The following UNC13C variants were observed in gnomAD, a reference collection of about 807,000 sequenced individuals.
The protein encoded by UNC13C is unc-13 homolog C, also known as protein unc-13 homolog C.
UNC13C carries 174 observed loss-of-function variants against 245.4 expected under a neutral mutation model. The observed-to-expected ratio is 0.71, with a 90% CI of 0.63 to 0.80. UNC13C has a LOEUF of 0.80. Ranked by LOEUF, UNC13C falls within the 30% of genes least tolerant of loss-of-function variation. The pLI is 0.00. For synonymous variants in UNC13C, 992 were observed against 895.1 expected, an observed-to-expected ratio of 1.11 and a Z score of -1.93; for missense variants, 2,829 against 2,602.9, an observed-to-expected ratio of 1.09 and a Z score of -1.89.
chr15:54,631,800 C>G (rs2141332822), downstream of UNC13C: 1 of 152,284 alleles, frequency 6.6e-6, no homozygotes, highest in South Asian at 2.1e-4. Context: ...TATAAACATT[C>G]ACATACAGGA....
chr15:54,608,637 A>G (rs929375164), intron 30 of UNC13C, among the ~76,000 whole-genome samples: 1 of 152,218 alleles, frequency 6.6e-6, no homozygotes, highest in Non-Finnish European at 1.5e-5. Flanking sequence ...TATTTTTTAT[A>G]TATTTCAGAT....
intron 29 of UNC13C, among the ~76,000 whole-genome samples, chr15:54,556,402 T>C (rs899341883): frequency 6.6e-6 from 1 of 152,064 alleles, no homozygotes. Flanking sequence ...TTCACAAAAC[T>C]GTCACCTCGT....
At chr15:53,861,814 G>A in the UNC13C span, among the ~76,000 whole-genome samples, 1 of 152,070 alleles carries the variant, frequency 6.6e-6, no homozygotes, top group Non-Finnish European at 1.5e-5. Flanking sequence ...TAGGTAAAAG[G>A]GAGAAATGCA....
chr15:54,234,012 C>T (rs12917522), intron 4 of UNC13C, among the ~76,000 whole-genome samples: 63,600 of 151,914 alleles, frequency 0.42, 15,787 homozygotes, highest in African/African-American at 0.69. Context: ...AAACTCATTC[C>T]AGAGAAACAA....
chr15:54,347,321 T>C (rs540877185), intron 17 of UNC13C, among the ~76,000 whole-genome samples: 4 of 152,286 alleles, frequency 2.6e-5, no homozygotes, highest in Middle Eastern at 3.4e-3. Flanking sequence ...TACCCTGAGA[T>C]CAAAACTTGT....
chr15:53,929,126 C>T, the UNC13C span, among the ~76,000 whole-genome samples: 1 of 152,144 alleles, frequency 6.6e-6, no homozygotes, highest in Non-Finnish European at 1.5e-5. Context: ...TGGCAGAAGG[C>T]AAAGGAAAGC....
the UNC13C span, among the ~76,000 whole-genome samples, chr15:53,855,535 T>C: frequency 2.2e-4 from 34 of 152,220 alleles, no homozygotes; most frequent in Non-Finnish European, 4.0e-4. Flanking sequence ...AGCCCTCTTC[T>C]GCATCTATTG....
At chr15:54,392,130 C>T (rs2039971467) in intron 17 of UNC13C, among the ~76,000 whole-genome samples, 1 of 152,060 alleles carries the variant, frequency 6.6e-6, no homozygotes, top group African/African-American at 2.4e-5. Flanking sequence ...GAAAATGTAT[C>T]TCTGCCTATA....
At chr15:54,335,471 G>T (rs991929704) in intron 16 of UNC13C, among the ~76,000 whole-genome samples, 2 of 152,048 alleles carry the variant, frequency 1.3e-5, no homozygotes, top group African/African-American at 2.4e-5. Context: ...TTTGACAAAT[G>T]TGTAGTCATA....
At chr15:54,422,385 A>G (rs1468512063) in intron 19 of UNC13C, among the ~76,000 whole-genome samples, 2 of 151,994 alleles carry the variant, frequency 1.3e-5, no homozygotes, top group Non-Finnish European at 2.9e-5. Context: ...TTAGCTCATA[A>G]CATTCAGATT....
the UNC13C span, among the ~76,000 whole-genome samples, chr15:53,932,844 T>C: frequency 6.6e-6 from 1 of 152,178 alleles, no homozygotes; most frequent in Non-Finnish European, 1.5e-5. Flanking sequence ...ACCCACATAC[T>C]CAACTATCTC....
chr15:53,917,295 A>C, the UNC13C span, among the ~76,000 whole-genome samples: 1 of 152,336 alleles, frequency 6.6e-6, no homozygotes, highest in South Asian at 2.1e-4. Context: ...AACCTGCATC[A>C]GGAGTAGCTA....
intron 10 of UNC13C, among the ~76,000 whole-genome samples, chr15:54,267,817 T>A (rs1479513521): frequency 6.6e-6 from 1 of 152,068 alleles, no homozygotes. Context: ...TCTTTCAAAT[T>A]TGGAAACATT....
intron 4 of UNC13C, among the ~76,000 whole-genome samples, chr15:54,200,069 CG>C (rs141827845): frequency 0.18 from 27,766 of 151,770 alleles, 2,834 homozygotes; most frequent in East Asian, 0.24. Flanking sequence ...AAAGCAATAG[CG>C]GTTAAAAAAG....
the UNC13C span, chr15:53,948,703 A>G: frequency 3.3e-5 from 5 of 152,138 alleles, no homozygotes; most frequent in East Asian, 7.7e-4. Context: ...CTTAAATTAC[A>G]AAAAGGTTGG....
At chr15:54,592,522 G>A (rs1468586153) in intron 30 of UNC13C, among the ~76,000 whole-genome samples, 1 of 152,136 alleles carries the variant, frequency 6.6e-6, no homozygotes, top group Non-Finnish European at 1.5e-5. Context: ...TTTTCCTGTT[G>A]GACAAGGCCT....
At chr15:54,061,425 C>A (rs1445025663) in intron 2 of UNC13C, among the ~76,000 whole-genome samples, 2 of 152,152 alleles carry the variant, frequency 1.3e-5, no homozygotes, top group Non-Finnish European at 2.9e-5. Flanking sequence ...CTCTTGGAAG[C>A]TTGCCTCCTT....
chr15:53,879,802 G>T, the UNC13C span, among the ~76,000 whole-genome samples: 1 of 152,058 alleles, frequency 6.6e-6, no homozygotes, highest in South Asian at 2.1e-4. Context: ...GGTCAGGCTG[G>T]TCTTGAACTC....
chr15:54,001,722 T>C (rs537634457), intron 1 of UNC13C, among the ~76,000 whole-genome samples: 1 of 152,374 alleles, frequency 6.6e-6, no homozygotes, highest in Non-Finnish European at 1.5e-5. Flanking sequence ...CATTATCTTA[T>C]TTGTTAAATG....
Sources: allele counts gnomAD v4.1 joint callset (sites outside exome capture counted in the v4.1 genomes callset), GRCh38; gene constraint gnomAD v4.1.1; transcripts MANE v1.5; gene names NCBI Gene and HGNC (gene_info 2026-07-23, HGNC 2026-07-21).